ARID3A: variants seen among roughly 807,000 people sequenced by gnomAD.
ARID3A encodes the protein AT-rich interactive domain-containing protein 3A.
Under a neutral mutation model 52.7 loss-of-function variants are expected in ARID3A, and 11 were observed. The ratio of observed to expected loss-of-function variants is 0.21; its 90% CI spans 0.13 to 0.35. The LOEUF (loss-of-function observed/expected upper bound fraction) is 0.35, where lower values mean the gene tolerates loss of function less well. Ranked by LOEUF, ARID3A falls within the 10% of genes least tolerant of loss-of-function variation. The pLI is 1.00. For synonymous variants in ARID3A, 404 were observed against 359.4 expected (o/e 1.12, Z -1.40); for missense variants, 721 against 838.5 (o/e 0.86, Z 1.73).
intron 3 of ARID3A, among the ~76,000 whole-genome samples, chr19:954,002 T>C (rs1489182549): frequency 6.6e-6 from 1 of 152,166 alleles, no homozygotes; most frequent in Non-Finnish European, 1.5e-5. Flanking sequence ...TGCAGTGAGC[T>C]AGGGTCTCAC....
intron 3 of ARID3A, among the ~76,000 whole-genome samples, chr19:940,820 G>C (rs1297746408): frequency 1.3e-5 from 2 of 152,132 alleles, no homozygotes; most frequent in Non-Finnish European, 2.9e-5. Flanking sequence ...CTGTCGGGAA[G>C]CCCCCTGGGC....
chr19:974,475 G>A lies in ARID3A; in HGVS notation c.*2410G>A, dbSNP rs561525868. On this transcript the variant is annotated 3_prime_UTR_variant, in exon 9 of 9. Transcript: ENST00000263620. ...CCAGGGCTCCTCTCCCGGGACCCCC[G>A]TCCCACGCCTGGGCCCCGCGCCGGG... 11 of 230,946 alleles carry A rather than the reference G, an allele frequency of 4.8e-5. No homozygotes were observed. Among genetic ancestry groups the A allele is most frequent in the Admixed American group, 4.0e-4 (7 of 17,718 alleles). The allele number at this position is 230,946 out of a possible 1,614,324, so 14.3% of individuals were successfully genotyped here.
chr19:959,179 CA>C lies in ARID3A; in HGVS notation c.694-911del, dbSNP rs2037988355. 1.3e-5 allele frequency among the ~76,000 whole-genome samples: 2 copies of C among 152,232 alleles called. No individual in the cohort carries two copies. Among genetic ancestry groups the C allele is most frequent in the African/African-American group, 4.8e-5 (2 of 41,446 alleles). On this transcript the variant is annotated intron_variant, in intron 3 of 8. Transcript: ENST00000263620. This position sits in a 1 kb window ranked among gnomAD's most constrained non-coding sequence, Gnocchi z 5.0. ...GGCAGAGGCTGGAGCGACGCGGCCA[CA>C]AGCCCAGGAACCTGGAGCCCCCAGA...
chr19:964,793 G>A lies in ARID3A; in HGVS notation c.951-40G>A, dbSNP rs756082029. ...CTGAAGGCCAAAGAGAGCCGTAGGGGTGACCCGGGTGCCATCCTCTTCCCT... is the reference window on the plus strand; with the variant it reads ...CTGAAGGCCAAAGAGAGCCGTAGGGATGACCCGGGTGCCATCCTCTTCCCT... On this transcript the variant is annotated intron_variant, in intron 5 of 8. Coordinates refer to ENST00000263620, the MANE Select transcript of ARID3A (RefSeq NM_005224.3). The surrounding 1 kb of genome is among the most constrained non-coding windows in gnomAD (Gnocchi z 5.7). 4 of 1,597,096 alleles carry A rather than the reference G, an allele frequency of 2.5e-6. No individual in the cohort carries two copies. The South Asian group carries it at 3.4e-5, about 13-fold the overall frequency.
rs1416686050 is a variant in ARID3A at position 960,394 on chromosome 19, T to TG, written c.766+236dup. Among the ~76,000 whole-genome samples the TG allele has an allele frequency of 6.6e-6, 1 of 151,696 alleles. No individual in the cohort carries two copies. The highest frequency in any genetic ancestry group is 1.5e-5 in the Non-Finnish European group (1 of 67,906). ...TGAGTCTAAGGGGTAGGTCCCTTGGTGGGGGGCAGGGCAGTCTCAGGGCCC... is the reference window on the plus strand; with the variant it reads ...TGAGTCTAAGGGGTAGGTCCCTTGGTGGGGGGGCAGGGCAGTCTCAGGGCCC... On this transcript the variant is annotated intron_variant, in intron 4 of 8. Transcript: ENST00000263620. This position sits in a 1 kb window ranked among gnomAD's most constrained non-coding sequence, Gnocchi z 4.3.
At chr19:966,908 G>C (rs1365449880) in intron 7 of ARID3A, 40 bp downstream of exon 7, 2 of 1,556,812 alleles carry the variant, frequency 1.3e-6, no homozygotes, top group Non-Finnish European at 1.7e-6. Flanking sequence ...CTTCCTGCGT[G>C]TGTCACACAG....
chr19:948,562 G>GCCC (rs1193836712), intron 3 of ARID3A, among the ~76,000 whole-genome samples: 1 of 151,986 alleles, frequency 6.6e-6, no homozygotes, highest in Non-Finnish European at 1.5e-5. Context: ...AGGTCCTCCT[G>GCCC]CCCCCCGTGC....
rs1249560977 is a variant in ARID3A at position 944,940 on chromosome 19, AC to A, written c.693+12201del. On this transcript the variant is annotated intron_variant, in intron 3 of 8. Coordinates refer to ENST00000263620, the MANE Select transcript of ARID3A (RefSeq NM_005224.3). This position sits in a 1 kb window ranked among gnomAD's most constrained non-coding sequence, Gnocchi z 5.9. ...CCTCTCCCCTCTCCCTGTCTCTGCC[AC>A]CCGCCCCGTCCCTTCCACCACGTCG... Among the ~76,000 whole-genome samples, 1 of 151,012 alleles carries A rather than the reference AC, an allele frequency of 6.6e-6. No individual in the cohort carries two copies. The highest frequency in any genetic ancestry group is 1.5e-5 in the Non-Finnish European group (1 of 67,716).
intron 1 of ARID3A, among the ~76,000 whole-genome samples, chr19:927,145 C>A (rs1037939826): frequency 7.9e-5 from 12 of 152,116 alleles, no homozygotes; most frequent in Non-Finnish European, 1.8e-4. Context: ...TTGCAAGGCC[C>A]GCGCCGAGCG....
chr19:965,234 CT>C, intron 6 of ARID3A, 154 bp downstream of exon 6: 7 of 858,664 alleles, frequency 8.2e-6, no homozygotes, highest in Non-Finnish European at 1.2e-5. Context: ...AGTCCTCTGC[CT>C]ATGGCAGACA....
intron 3 of ARID3A, among the ~76,000 whole-genome samples, chr19:952,122 CAG>C (rs1356870361): frequency 2.6e-5 from 4 of 151,870 alleles, no homozygotes; most frequent in Admixed American, 6.6e-5. Flanking sequence ...GCCTGAGCGA[CAG>C]AGCGAGACTC....
At chr19:930,685 A>AT (rs554927128) in intron 2 of ARID3A, among the ~76,000 whole-genome samples, 1,917 of 150,340 alleles carry the variant, frequency 0.013, 45 homozygotes, top group African/African-American at 0.043. Context: ...AACTTTTTGT[A>AT]TTTTTAGTAG....
chr19:926,869 C>A (rs188869751), intron 1 of ARID3A, among the ~76,000 whole-genome samples: 5 of 151,760 alleles, frequency 3.3e-5, no homozygotes, highest in Non-Finnish European at 7.4e-5. Context: ...TTTAGGCGCT[C>A]GGGCTGGAGG....
At chr19:968,732 G>T (rs1367878423) in intron 8 of ARID3A, 2 of 474,640 alleles carry the variant, frequency 4.2e-6, no homozygotes. Flanking sequence ...CATATTCAGT[G>T]TGACGTTGGA....
At chr19:950,978 A>T (rs2037793327) in intron 3 of ARID3A, among the ~76,000 whole-genome samples, 1 of 151,810 alleles carries the variant, frequency 6.6e-6, no homozygotes, top group Non-Finnish European at 1.5e-5. Context: ...ATGCACCACC[A>T]CGCCTGGCCT....
At chr19:930,785 A>G (rs964001865) in intron 2 of ARID3A, among the ~76,000 whole-genome samples, 5 of 151,064 alleles carry the variant, frequency 3.3e-5, no homozygotes, top group Non-Finnish European at 2.9e-5. Context: ...CTGGGATTAC[A>G]GGCGTGAGCC....
At chr19:958,925 T>C (rs1366355685) in intron 3 of ARID3A, among the ~76,000 whole-genome samples, 2 of 152,184 alleles carry the variant, frequency 1.3e-5, no homozygotes, top group East Asian at 3.9e-4. Context: ...TGTGCACCTT[T>C]TCTGTGTTCA....
chr19:975,522 G>A lies in ARID3A; in HGVS notation c.*3457G>A, dbSNP rs552358920. 8 of 218,220 alleles carry A rather than the reference G, an allele frequency of 3.7e-5. No homozygotes were observed. Among genetic ancestry groups the A allele is most frequent in the African/African-American group, 1.1e-4 (5 of 44,184 alleles). 13.5% of individuals were successfully genotyped at this position (218,220 alleles called of 1,614,324 possible). A position where few individuals can be genotyped will look rare whatever the true frequency, so the allele number is the denominator to read the frequency against. ...GTAAACTCAGCCTTTCATTCATGAC[G>A]TGTGAAATTTCAGTTTCTCTGGAGT... On this transcript the variant is annotated 3_prime_UTR_variant, in exon 9 of 9. Coordinates refer to ENST00000263620, the MANE Select transcript of ARID3A (RefSeq NM_005224.3).
At chr19:958,383 GCGCCAC>G (rs2037966214) in intron 3 of ARID3A, among the ~76,000 whole-genome samples, 1 of 144,956 alleles carries the variant, frequency 6.9e-6, no homozygotes, top group South Asian at 2.2e-4. Context: ...GGCCAAGATC[GCGCCAC>G]TGCACTCCAG....
Sources: gnomAD v4.1 joint callset for allele counts (sites outside exome capture counted in the v4.1 genomes callset) on GRCh38, gnomAD v4.1.1 for gene constraint, Gnocchi (gnomAD v3.1) non-coding constraint, MANE v1.5 for transcripts, NCBI Gene and HGNC (gene_info 2026-07-23, HGNC 2026-07-21) for gene names.